CCDC149: variants seen among roughly 807,000 people sequenced by gnomAD.
CCDC149 encodes the protein coiled-coil domain containing 149, also known as coiled-coil domain-containing protein 149.
In CCDC149, 45 loss-of-function variants were observed where a neutral mutation model predicts 59.9. The ratio of observed to expected loss-of-function variants is 0.75; its 90% CI spans 0.59 to 0.96. CCDC149 has a LOEUF of 0.96. Among genes scored for constraint, CCDC149 ranks in the 40% least tolerant of loss-of-function variants. The pLI, the probability that CCDC149 is intolerant of heterozygous loss-of-function variation, is 0.00. For missense variants in CCDC149, 584 were observed against 664.7 expected (o/e 0.88, Z 1.33); for synonymous variants, 245 against 260.6 (o/e 0.94, Z 0.58).
intron 4 of CCDC149, among the ~76,000 whole-genome samples, chr4:24,850,305 G>A (rs1423302309): frequency 6.6e-6 from 1 of 152,066 alleles, no homozygotes. Context: ...TGGAAATTCG[G>A]CCCTCAAAGA....
At chr4:24,976,956 T>C (rs186695107) in intron 1 of CCDC149, among the ~76,000 whole-genome samples, 34 of 152,242 alleles carry the variant, frequency 2.2e-4, no homozygotes, top group Admixed American at 4.6e-4. Context: ...CAGGCTTGAT[T>C]AAAGGATGGA....
At chr4:24,842,788 T>C (rs974805677) in intron 4 of CCDC149, among the ~76,000 whole-genome samples, 2 of 152,188 alleles carry the variant, frequency 1.3e-5, no homozygotes, top group African/African-American at 4.8e-5. Context: ...AATGACTTGC[T>C]CCTTCCTTGA....
Position 24,808,796 on chromosome 4 carries a change from C to G in CCDC149, c.1216G>C (p.Asp406His), listed in dbSNP as rs751148958. ...GCCTCAGCAGCGGCACAACTTTCAT[C>G]TTCTTCTTGCTTCTGAGCCTCCCCT... The change falls in exon 13 of 13, where the codon GAT becomes CAT. Residue 406 changes from aspartate (D) to histidine (H), a missense_variant. Coordinates refer to ENST00000635206, the MANE Select transcript of CCDC149 (RefSeq NM_001330643.2). The G allele has an allele frequency of 2.0e-5, 31 of 1,549,296 alleles. No individual in the cohort carries two copies. The South Asian group carries it at 3.6e-4, about 18-fold the overall frequency.
upstream of CCDC149, among the ~76,000 whole-genome samples, chr4:24,914,579 C>T (rs1264035533): frequency 5.9e-5 from 8 of 134,832 alleles, 1 homozygote; most frequent in South Asian, 2.1e-3. Context: ...CCTCCACGCC[C>T]CCCCACCCCC....
intron 9 of CCDC149, among the ~76,000 whole-genome samples, chr4:24,824,111 C>T (rs960426301): frequency 1.3e-5 from 2 of 152,172 alleles, no homozygotes; most frequent in East Asian, 1.9e-4. Flanking sequence ...TTAACTCTTC[C>T]GTGGAGGTGG....
chr4:24,950,309 A>G (rs1173578393), intron 1 of CCDC149, among the ~76,000 whole-genome samples: 7 of 152,238 alleles, frequency 4.6e-5, no homozygotes, highest in Non-Finnish European at 8.8e-5. Context: ...TCATCTGTGA[A>G]GGGTGATTCT....
chr4:24,952,632 T>A lies in CCDC149; in HGVS notation c.-65+27437A>T, dbSNP rs1319627216. On this transcript the variant is annotated intron_variant, in intron 1 of 12. Coordinates refer to the CCDC149 transcript ENST00000389609. ...AAAAAAAAAAAAAAAAAAAAATATA[T>A]ATATATATATATATATATATATATA... is the stretch of plus-strand genomic sequence containing the variant. Among the ~76,000 whole-genome samples, 41 of 11,720 alleles carry A rather than the reference T, an allele frequency of 3.5e-3. 1 individual carries two copies. Among genetic ancestry groups the A allele is most frequent in the South Asian group, 4.7e-3 (1 of 214 alleles). The allele number at this position is 11,720 out of a possible 152,430, so 7.7% of individuals were successfully genotyped here.
chr4:24,871,173 G>A (rs746742756), intron 3 of CCDC149, among the ~76,000 whole-genome samples: 86 of 151,370 alleles, frequency 5.7e-4, no homozygotes, highest in Non-Finnish European at 1.2e-3. Flanking sequence ...GGAAGGGAGC[G>A]TATAAGTAAG....
At position 24,861,505 on chromosome 4, in the gene CCDC149, AG is replaced by A. The variant is rs1474942816; in HGVS notation, c.265-8327del. The stretch of plus-strand genomic sequence containing the variant: ...GAAGGGAAGGGCGGGATGCAGGTGA[AG>A]AATAAAAGACTACATATTGGGTACA... On this transcript the variant is annotated intron_variant, in intron 3 of 12. Transcript: ENST00000635206. Among the ~76,000 whole-genome samples, 7 of 152,296 alleles carry A rather than the reference AG, an allele frequency of 4.6e-5. No homozygotes were observed. In the East Asian group the frequency reaches 1.4e-3, roughly 29 times the overall value.
intron 1 of CCDC149, among the ~76,000 whole-genome samples, chr4:24,894,081 A>G (rs887370947): frequency 6.6e-6 from 1 of 152,162 alleles, no homozygotes; most frequent in African/African-American, 2.4e-5. Context: ...CTTTCCTTGC[A>G]TATTCCCTGA....
chr4:24,894,413 C>T (rs1022936128), intron 1 of CCDC149, among the ~76,000 whole-genome samples: 3 of 151,992 alleles, frequency 2.0e-5, no homozygotes, highest in Non-Finnish European at 4.4e-5. Flanking sequence ...ACTGTTAATG[C>T]CTACATAATC....
chr4:24,855,249 G>T (rs1717924806), intron 3 of CCDC149, among the ~76,000 whole-genome samples: 1 of 152,096 alleles, frequency 6.6e-6, no homozygotes, highest in South Asian at 2.1e-4. Context: ...CCAATGCCTG[G>T]CATGGAGACT....
intron 1 of CCDC149, among the ~76,000 whole-genome samples, chr4:24,881,145 G>A (rs1719819192): frequency 6.6e-6 from 1 of 152,226 alleles, no homozygotes; most frequent in Non-Finnish European, 1.5e-5. Flanking sequence ...GGGACAGGGT[G>A]CTGGGACTGA....
intron 1 of CCDC149, among the ~76,000 whole-genome samples, chr4:24,912,366 C>A (rs1171080634): frequency 6.6e-6 from 1 of 152,166 alleles, no homozygotes; most frequent in African/African-American, 2.4e-5. Flanking sequence ...TCCCCCAACT[C>A]GAACCACCGC....
intron 1 of CCDC149, among the ~76,000 whole-genome samples, chr4:24,968,411 G>A (rs886379351): frequency 1.2e-4 from 19 of 152,160 alleles, no homozygotes; most frequent in Non-Finnish European, 2.5e-4. Context: ...CCCAGACTGG[G>A]ACATTGCAGA....
In CCDC149 at chr4:24,822,800, G is replaced by A. The variant is rs1341525301; in HGVS notation, c.966-227C>T. Reference sequence around the variant, plus strand: ...AAAACAATACTAAAATGCCATGAAAGTGAGTCCTCTCCCAAAAGGTAGTTT... The same window carrying A: ...AAAACAATACTAAAATGCCATGAAAATGAGTCCTCTCCCAAAAGGTAGTTT... On this transcript the variant is annotated intron_variant, in intron 9 of 12. Transcript: ENST00000635206. 8.4e-6 allele frequency: 3 copies of A among 357,410 alleles called. No homozygotes were observed. In the East Asian group the frequency reaches 1.3e-4, roughly 16 times the overall value. The allele number at this position is 357,410 out of a possible 1,614,324, so 22.1% of individuals were successfully genotyped here.
chr4:24,866,789 C>CAAA lies in CCDC149; in HGVS notation c.264+6889_264+6891dup, dbSNP rs11382183. ...TCCTTTAACGCGAAGACCCAAAAAG[C>CAAA]AAAAAAAAAAAAAAAATATACACAC... is the stretch of plus-strand genomic sequence containing the variant. On this transcript the variant is annotated intron_variant, in intron 3 of 12. Coordinates refer to ENST00000635206, the MANE Select transcript of CCDC149 (RefSeq NM_001330643.2). Among the ~76,000 whole-genome samples the CAAA allele has an allele frequency of 2.8e-3, 360 of 129,662 alleles. 2 individuals are homozygous for CAAA. Among genetic ancestry groups the CAAA allele is most frequent in the Non-Finnish European group, 4.4e-3 (275 of 63,026 alleles). 85.1% of individuals were successfully genotyped at this position (129,662 alleles called of 152,430 possible).
chr4:24,955,100 G>A (rs1313559801), intron 1 of CCDC149, among the ~76,000 whole-genome samples: 2 of 152,114 alleles, frequency 1.3e-5, no homozygotes, highest in Admixed American at 1.3e-4. Flanking sequence ...TTCTATAACA[G>A]AATATCTGAG....
At chr4:24,841,155 C>A (rs1716910602) in intron 4 of CCDC149, among the ~76,000 whole-genome samples, 1 of 152,160 alleles carries the variant, frequency 6.6e-6, no homozygotes, top group Non-Finnish European at 1.5e-5. Flanking sequence ...GGTCTAGGAA[C>A]AAGAAAACTC....
Sources: allele counts gnomAD v4.1 joint callset (sites outside exome capture counted in the v4.1 genomes callset), GRCh38; gene constraint gnomAD v4.1.1; transcripts MANE v1.5; gene names NCBI Gene and HGNC (gene_info 2026-07-23, HGNC 2026-07-21).